GALNT10: variants seen among roughly 807,000 people sequenced by gnomAD.
The protein encoded by GALNT10 is GalNAc transferase 10.
GALNT10 carries 41 observed loss-of-function variants against 75.0 expected under a neutral mutation model. The ratio of observed to expected loss-of-function variants is 0.55; its 90% CI spans 0.43 to 0.71. The LOEUF (loss-of-function observed/expected upper bound fraction) is 0.71. Among genes scored for constraint, GALNT10 ranks in the 30% least tolerant of loss-of-function variants. GALNT10 has a pLI of 0.00. For synonymous variants in GALNT10, 302 were observed against 313.0 expected, an observed-to-expected ratio of 0.96 and a Z score of 0.37; for missense variants, 727 against 818.5, an observed-to-expected ratio of 0.89 and a Z score of 1.36.
chr5:154,302,061 C>T lies in GALNT10; in HGVS notation c.401+3982C>T, dbSNP rs543395246. 7.9e-5 allele frequency among the ~76,000 whole-genome samples: 12 copies of T among 152,142 alleles called. No homozygotes were observed. The East Asian group carries it at 2.3e-3, about 29-fold the overall frequency. On this transcript the variant is annotated intron_variant, in intron 3 of 11. Transcript: ENST00000297107. Reference sequence around the variant, plus strand: ...TGTCTCGAAGAGATTTCCTTTTTTTCCAGAGGGGAATCTTTCCTGCAGTTT... The same window carrying T: ...TGTCTCGAAGAGATTTCCTTTTTTTTCAGAGGGGAATCTTTCCTGCAGTTT...
intron 1 of GALNT10, among the ~76,000 whole-genome samples, chr5:154,272,674 C>A (rs1265100400): frequency 2.6e-5 from 4 of 152,180 alleles, no homozygotes; most frequent in Non-Finnish European, 5.9e-5. Flanking sequence ...ATGTCAGTTT[C>A]CTCATCTATA....
chr5:154,306,335 C>A (rs747993175), intron 3 of GALNT10, among the ~76,000 whole-genome samples: 30 of 152,220 alleles, frequency 2.0e-4, no homozygotes, highest in Non-Finnish European at 2.6e-4. Context: ...ATCACTCTAA[C>A]CACAATGAAA....
At chr5:154,268,352 T>C (rs1753809589) in intron 1 of GALNT10, among the ~76,000 whole-genome samples, 1 of 152,084 alleles carries the variant, frequency 6.6e-6, no homozygotes, top group Non-Finnish European at 1.5e-5. Flanking sequence ...CCATAAAAGG[T>C]TACACTCCCT....
chr5:154,303,279 G>A (rs1233602515), intron 3 of GALNT10, among the ~76,000 whole-genome samples: 1 of 152,158 alleles, frequency 6.6e-6, no homozygotes, highest in Admixed American at 6.5e-5. Context: ...TACAGGGAGG[G>A]CAAGCCCAGA....
intron 1 of GALNT10, among the ~76,000 whole-genome samples, chr5:154,244,465 A>T (rs972083437): frequency 5.9e-5 from 9 of 152,132 alleles, no homozygotes; most frequent in Non-Finnish European, 1.2e-4. Context: ...GTGAGATGAG[A>T]TTCCAACATA....
intron 3 of GALNT10, among the ~76,000 whole-genome samples, chr5:154,312,962 A>C (rs1475748517): frequency 1.3e-5 from 2 of 152,296 alleles, no homozygotes; most frequent in African/African-American, 4.8e-5. Flanking sequence ...AGGGCCAAAA[A>C]TTTTATCATG....
At chr5:154,310,473 G>GTTTGT (rs1754500747) in intron 3 of GALNT10, among the ~76,000 whole-genome samples, 1 of 150,834 alleles carries the variant, frequency 6.6e-6, no homozygotes, top group Admixed American at 6.6e-5. Context: ...TTGTTTGTTT[G>GTTTGT]TTTGTTTTGT....
At chr5:154,195,073 A>G (rs1774915017) in intron 1 of GALNT10, among the ~76,000 whole-genome samples, 1 of 152,226 alleles carries the variant, frequency 6.6e-6, no homozygotes, top group African/African-American at 2.4e-5. Flanking sequence ...TTCCAGTGAC[A>G]CGGTAACAGA....
At chr5:154,375,782 C>T (rs774096664) in intron 4 of GALNT10, among the ~76,000 whole-genome samples, 2 of 152,130 alleles carry the variant, frequency 1.3e-5, no homozygotes, top group East Asian at 1.9e-4. Context: ...TTCTCAGGAC[C>T]CATTATTTGA....
chr5:154,194,490 CAGAACA>C (rs1250477017), intron 1 of GALNT10, among the ~76,000 whole-genome samples: 1 of 152,110 alleles, frequency 6.6e-6, no homozygotes, highest in Non-Finnish European at 1.5e-5. Context: ...GTTGATTTGC[CAGAACA>C]AATCCGGCTC....
intron 1 of GALNT10, among the ~76,000 whole-genome samples, chr5:154,245,954 C>G (rs1753415447): frequency 6.6e-6 from 1 of 151,700 alleles, no homozygotes; most frequent in African/African-American, 2.4e-5. Context: ...GCTATCCCTC[C>G]CCACTCCCCC....
At position 154,352,501 on chromosome 5, in the gene GALNT10, A is replaced by C. The variant is rs1226327570; in HGVS notation, c.568+22763A>C. On this transcript the variant is annotated intron_variant, in intron 4 of 11. Transcript: ENST00000297107. This position sits in a 1 kb window ranked among gnomAD's most constrained non-coding sequence, Gnocchi z 4.4. ...GTATAATATTATCCCCATTTTGCCC[A>C]TGAAAACCCTGCAGCTGGGAGAGGT... Among the ~76,000 whole-genome samples, 1 of 152,198 alleles carries C rather than the reference A, an allele frequency of 6.6e-6. No homozygotes were observed. The highest frequency in any genetic ancestry group is 1.5e-5 in the Non-Finnish European group (1 of 68,032).
At chr5:154,280,581 T>A (rs1243769231) in intron 1 of GALNT10, among the ~76,000 whole-genome samples, 1 of 152,222 alleles carries the variant, frequency 6.6e-6, no homozygotes, top group Non-Finnish European at 1.5e-5. Context: ...GATACATGTT[T>A]TGCAAATATA....
At chr5:154,294,340 C>G (rs1469597824) in intron 1 of GALNT10, among the ~76,000 whole-genome samples, 3 of 152,014 alleles carry the variant, frequency 2.0e-5, no homozygotes, top group Admixed American at 6.6e-5. Context: ...TCTCCCACTC[C>G]CCATCTCCCT....
rs15197 is a variant in GALNT10 at position 154,420,760 on chromosome 5, C to T, written c.*3788C>T. The T allele has an allele frequency of 2.0e-5, 3 of 152,300 alleles. No individual in the cohort carries two copies. In the East Asian group the frequency reaches 5.8e-4, roughly 29 times the overall value. The allele number at this position is 152,300 out of a possible 1,614,324, so 9.4% of individuals were successfully genotyped here. A position where few individuals can be genotyped will look rare whatever the true frequency, so the allele number is the denominator to read the frequency against. On this transcript the variant is annotated 3_prime_UTR_variant, in exon 12 of 12. Transcript: ENST00000297107. The stretch of plus-strand genomic sequence containing the variant: ...GCTTTGATTCAGCCGTGCCAGGCAA[C>T]AGAACAGGGTCAGACTCCTGCTCTG...
At chr5:154,258,730 G>T (rs148124730) in intron 1 of GALNT10, among the ~76,000 whole-genome samples, 2 of 152,170 alleles carry the variant, frequency 1.3e-5, no homozygotes, top group African/African-American at 4.8e-5. Context: ...CAGGTGCAGG[G>T]TATTATGGCC....
intron 4 of GALNT10, among the ~76,000 whole-genome samples, chr5:154,359,415 A>G (rs542680832): frequency 6.6e-6 from 1 of 152,072 alleles, no homozygotes; most frequent in South Asian, 2.1e-4. Context: ...CGTGCCTCCT[A>G]AAACACAAGG....
chr5:154,295,179 GGGT>G (rs1490695518), intron 2 of GALNT10, among the ~76,000 whole-genome samples: 1 of 152,126 alleles, frequency 6.6e-6, no homozygotes, highest in Non-Finnish European at 1.5e-5. Flanking sequence ...CACCTTTATT[GGGT>G]GATAGAAAAT....
intron 7 of GALNT10, 191 bp downstream of exon 7, chr5:154,386,621 G>GC: frequency 5.2e-6 from 2 of 387,274 alleles, no homozygotes; most frequent in East Asian, 6.2e-5. Flanking sequence ...GTGTGGGAGG[G>GC]AAGGGGAGTA....
Sources: allele counts gnomAD v4.1 joint callset (sites outside exome capture counted in the v4.1 genomes callset), GRCh38; gene constraint gnomAD v4.1.1; non-coding constraint Gnocchi (gnomAD v3.1); transcripts MANE v1.5; gene names NCBI Gene and HGNC (gene_info 2026-07-23, HGNC 2026-07-21).